The following RAB30 variants were observed in gnomAD, a reference collection of about 807,000 sequenced individuals.
RAB30 encodes ras-related protein Rab-30.
In RAB30, 9 loss-of-function variants were observed where a neutral mutation model predicts 25.1. The ratio of observed to expected loss-of-function variants is 0.36; its 90% confidence interval spans 0.22 to 0.63. The LOEUF is 0.63. Ranked by LOEUF, RAB30 falls within the 20% of genes least tolerant of loss-of-function variation. The pLI, the probability that RAB30 is intolerant of heterozygous loss-of-function variation, is 0.69. For synonymous variants in RAB30, 77 were observed against 86.4 expected, an observed-to-expected ratio of 0.89 and a Z score of 0.60; for missense variants, 140 against 243.5, an observed-to-expected ratio of 0.58 and a Z score of 2.83.
intron 2 of RAB30, among the ~76,000 whole-genome samples, chr11:82,995,763 G>T (rs142637553): frequency 2.2e-4 from 34 of 152,284 alleles, no homozygotes; most frequent in African/African-American, 7.7e-4. Context: ...AAATTATCAG[G>T]CTAAGAACCT....
chr11:83,057,419 C>A (rs1351013132), intron 1 of RAB30, among the ~76,000 whole-genome samples: 1 of 152,164 alleles, frequency 6.6e-6, no homozygotes, highest in East Asian at 1.9e-4. Flanking sequence ...AGGCCAGAAA[C>A]ATTCTTTCCA....
At chr11:83,070,803 C>T (rs1327792806) in intron 1 of RAB30, among the ~76,000 whole-genome samples, 1 of 152,208 alleles carries the variant, frequency 6.6e-6, no homozygotes, top group Non-Finnish European at 1.5e-5. Context: ...AGGTTAACAG[C>T]GCTTCTAACT....
intron 1 of RAB30, among the ~76,000 whole-genome samples, chr11:83,056,039 A>G (rs1858452707): frequency 6.6e-6 from 1 of 152,236 alleles, no homozygotes; most frequent in Non-Finnish European, 1.5e-5. Flanking sequence ...AGATATACAT[A>G]ACATAAAATT....
chr11:83,014,618 A>G (rs2083804955), intron 1 of RAB30, among the ~76,000 whole-genome samples: 1 of 149,984 alleles, frequency 6.7e-6, no homozygotes, highest in Non-Finnish European at 1.5e-5. Flanking sequence ...AGAGACAAAG[A>G]AAGAAAGAAG....
intron 1 of RAB30, chr11:83,041,741 A>T (rs542001192): frequency 3.9e-5 from 6 of 152,624 alleles, no homozygotes; most frequent in Non-Finnish European, 7.3e-5. Context: ...AACTTTTTTT[A>T]AAAAGTTTTT....
At chr11:83,067,389 A>G (rs1199486742) in intron 1 of RAB30, among the ~76,000 whole-genome samples, 2 of 152,202 alleles carry the variant, frequency 1.3e-5, no homozygotes, top group African/African-American at 4.8e-5. Context: ...AACATCATAC[A>G]GCTAATAAAT....
At chr11:83,059,663 A>C (rs1019542246) in intron 1 of RAB30, among the ~76,000 whole-genome samples, 2 of 152,154 alleles carry the variant, frequency 1.3e-5, no homozygotes, top group African/African-American at 4.8e-5. Context: ...TAGGTATACG[A>C]CCCTGGGAAA....
At chr11:83,050,323 C>T (rs188535657) in intron 1 of RAB30, among the ~76,000 whole-genome samples, 1 of 152,146 alleles carries the variant, frequency 6.6e-6, no homozygotes, top group Admixed American at 6.5e-5. Flanking sequence ...GCATGATTGT[C>T]TCTCAACACC....
intron 1 of RAB30, among the ~76,000 whole-genome samples, chr11:82,998,456 A>C (rs948567427): frequency 6.6e-6 from 1 of 151,702 alleles, no homozygotes; most frequent in African/African-American, 2.4e-5. Flanking sequence ...GCTGAGGCAC[A>C]AGAATCGCTT....
At chr11:82,995,590 G>C (rs902328511) in intron 2 of RAB30, among the ~76,000 whole-genome samples, 1 of 152,158 alleles carries the variant, frequency 6.6e-6, no homozygotes, top group Non-Finnish European at 1.5e-5. Flanking sequence ...TGGAGTTGAG[G>C]AGCTGGGAGG....
At chr11:83,010,403 A>G (rs1340309858) in intron 1 of RAB30, among the ~76,000 whole-genome samples, 2 of 152,204 alleles carry the variant, frequency 1.3e-5, no homozygotes, top group Admixed American at 6.5e-5. Flanking sequence ...GTGAACTGTG[A>G]TCACGCCATT....
chr11:83,049,844 C>G (rs1417657865), intron 1 of RAB30, among the ~76,000 whole-genome samples: 1 of 152,138 alleles, frequency 6.6e-6, no homozygotes, highest in Non-Finnish European at 1.5e-5. Context: ...GAGACTATTA[C>G]TCTTTTAATA....
intron 1 of RAB30, among the ~76,000 whole-genome samples, chr11:83,014,540 C>T (rs1171659971): frequency 6.6e-6 from 1 of 151,030 alleles, no homozygotes; most frequent in Non-Finnish European, 1.5e-5. Flanking sequence ...ACTAAGACCT[C>T]TTTCCTTTTG....
intron 1 of RAB30, among the ~76,000 whole-genome samples, chr11:83,062,594 G>A (rs1173047130): frequency 6.6e-6 from 1 of 152,198 alleles, no homozygotes; most frequent in Non-Finnish European, 1.5e-5. Context: ...GAGAGTTTGA[G>A]ACATGAACCC....
At chr11:83,049,919 T>C (rs1214837350) in intron 1 of RAB30, among the ~76,000 whole-genome samples, 1 of 152,152 alleles carries the variant, frequency 6.6e-6, no homozygotes, top group Admixed American at 6.5e-5. Flanking sequence ...CAAAGTAGAA[T>C]TGGCCATTCC....
At position 83,057,798 on chromosome 11, in the gene RAB30, G is replaced by C. The variant is rs200846101; in HGVS notation, c.-9+13893C>G. Among the ~76,000 whole-genome samples, 61 of 152,312 alleles carry C rather than the reference G, an allele frequency of 4.0e-4. No homozygotes were observed. In the East Asian group the frequency reaches 0.011, roughly 28 times the overall value. On this transcript the variant is annotated intron_variant, in intron 1 of 4. Transcript: ENST00000527633. ...TGCAATTAAATGAATTTATAAATAA[G>C]AGAGAAAAGTATTCGTCAGACCATG...
chr11:83,007,724 G>C lies in RAB30; in HGVS notation c.-8-10400C>G, dbSNP rs140846257. Among the ~76,000 whole-genome samples the C allele has an allele frequency of 7.4e-4, 112 of 152,296 alleles. 1 individual carries two copies. Among genetic ancestry groups the C allele is most frequent in the African/African-American group, 2.6e-3 (109 of 41,566 alleles). On this transcript the variant is annotated intron_variant, in intron 1 of 4. Coordinates refer to ENST00000527633, the MANE Select transcript of RAB30 (RefSeq NM_001286060.2). ...TCCCCAGGCGGGGCTAATTTGTTTC[G>C]TACCACAGCACCTGGGAGCAGGTGC... is the stretch of plus-strand genomic sequence containing the variant.
chr11:83,030,454 T>TA (rs1857829650), intron 1 of RAB30, among the ~76,000 whole-genome samples: 1 of 152,028 alleles, frequency 6.6e-6, no homozygotes, highest in African/African-American at 2.4e-5. Context: ...GCCGTGTTCA[T>TA]GCCACTGTAC....
intron 1 of RAB30, among the ~76,000 whole-genome samples, chr11:83,048,061 T>C (rs1858271432): frequency 6.6e-6 from 1 of 152,032 alleles, no homozygotes; most frequent in Non-Finnish European, 1.5e-5. Context: ...CTTAGCAACA[T>C]AGCAAGACCC....
Sources: gnomAD v4.1 joint callset for allele counts (sites outside exome capture counted in the v4.1 genomes callset) on GRCh38, gnomAD v4.1.1 for gene constraint, MANE v1.5 for transcripts, NCBI Gene and HGNC (gene_info 2026-07-23, HGNC 2026-07-21) for gene names.